PCDH9: variants seen among roughly 807,000 people sequenced by gnomAD.
PCDH9 encodes protocadherin 9.
Under a neutral mutation model 70.6 loss-of-function variants are expected in PCDH9, and 24 were observed. That is an observed-to-expected ratio of 0.34 (90% CI 0.25 to 0.48). PCDH9 has a LOEUF of 0.48. Among genes scored for constraint, PCDH9 ranks in the 20% least tolerant of loss-of-function variants. The pLI is 0.99. For missense variants in PCDH9, 1,281 were observed against 1,503.6 expected, an observed-to-expected ratio of 0.85 and a Z score of 2.45; for synonymous variants, 562 against 558.5, an observed-to-expected ratio of 1.01 and a Z score of -0.09.
chr13:66,856,514 C>T (rs2081396832), intron 3 of PCDH9, among the ~76,000 whole-genome samples: 1 of 151,972 alleles, frequency 6.6e-6, no homozygotes, highest in South Asian at 2.1e-4. Context: ...GCAACAATAA[C>T]AGGAAGTTAA....
At chr13:66,849,720 G>A (rs2081283905) in intron 3 of PCDH9, among the ~76,000 whole-genome samples, 1 of 152,130 alleles carries the variant, frequency 6.6e-6, no homozygotes, top group Non-Finnish European at 1.5e-5. Flanking sequence ...GTGTGTAATT[G>A]TGATTCAGAC....
chr13:66,654,545 T>A (rs1439668886), intron 3 of PCDH9, among the ~76,000 whole-genome samples: 1 of 152,186 alleles, frequency 6.6e-6, no homozygotes, highest in Non-Finnish European at 1.5e-5. Context: ...ATGTGATTAT[T>A]AAGCATTGTA....
chr13:67,060,034 C>G (rs1164753855), intron 2 of PCDH9, among the ~76,000 whole-genome samples: 1 of 151,792 alleles, frequency 6.6e-6, no homozygotes, highest in Admixed American at 6.6e-5. Flanking sequence ...TTCAGAGAGA[C>G]CTGGATAAGA....
intron 2 of PCDH9, among the ~76,000 whole-genome samples, chr13:67,139,150 T>C (rs2087309077): frequency 6.6e-6 from 1 of 152,214 alleles, no homozygotes; most frequent in Admixed American, 6.5e-5. Context: ...CATGGTGAAT[T>C]CTGTCAAATC....
intron 3 of PCDH9, among the ~76,000 whole-genome samples, chr13:66,835,415 A>C (rs2081000896): frequency 6.6e-6 from 1 of 152,178 alleles, no homozygotes; most frequent in Non-Finnish European, 1.5e-5. Context: ...GGGAATATAA[A>C]ATGGTGATGG....
At chr13:66,692,050 C>T (rs1194512519) in intron 3 of PCDH9, among the ~76,000 whole-genome samples, 1 of 152,146 alleles carries the variant, frequency 6.6e-6, no homozygotes, top group African/African-American at 2.4e-5. Context: ...TACAACTTTA[C>T]ACATGGTGTA....
chr13:66,501,320 A>G (rs540430429), intron 4 of PCDH9, among the ~76,000 whole-genome samples: 1 of 152,192 alleles, frequency 6.6e-6, no homozygotes, highest in South Asian at 2.1e-4. Flanking sequence ...TTCTCTATTA[A>G]GGATGAAGCA....
At chr13:66,664,923 A>AG (rs2078072233) in intron 3 of PCDH9, among the ~76,000 whole-genome samples, 1 of 152,120 alleles carries the variant, frequency 6.6e-6, no homozygotes, top group African/African-American at 2.4e-5. Flanking sequence ...TTCCTAAGGC[A>AG]TAGATAAAAC....
intron 4 of PCDH9, among the ~76,000 whole-genome samples, chr13:66,572,062 G>T (rs2076740408): frequency 6.6e-6 from 1 of 151,916 alleles, no homozygotes. Context: ...TTAAACTTAT[G>T]ACTCTTTTTC....
In PCDH9 at chr13:67,200,278, G is replaced by T. The variant is rs371573228; in HGVS notation, c.3036+25127C>A. ...TTGAATTTCCCACTTCTGTTGTAGG[G>T]AATCAAAATATAAAACACATAGCTA... On this transcript the variant is annotated intron_variant, in intron 2 of 4. Transcript: ENST00000377865. Among the ~76,000 whole-genome samples, 28 of 152,082 alleles carry T rather than the reference G, an allele frequency of 1.8e-4. 1 individual carries two copies. The highest frequency in any genetic ancestry group is 9.6e-4 in the East Asian group (5 of 5,184).
Position 67,226,878 on chromosome 13 carries a change from T to G in PCDH9, c.1563A>C (p.Thr521=), listed in dbSNP as rs1399166549. 6.2e-7 allele frequency: 1 copy of G among 1,614,218 alleles called. No individual in the cohort carries two copies. The highest frequency in any genetic ancestry group is 1.7e-5 in the Admixed American group (1 of 60,024). Residue 521 remains threonine (T), a synonymous_variant, in exon 2 of 5, where the codon ACA becomes ACC. Coordinates refer to ENST00000377865, the MANE Select transcript of PCDH9 (RefSeq NM_203487.3). The surrounding 1 kb of genome is among the most constrained non-coding windows in gnomAD (Gnocchi z 5.0). Reference sequence around the variant, plus strand: ...ATACTCTGGAGGCTGTCAAAACTCCTGTTTTTCGGTCCAGATCAAAGAAGG... The same window carrying G: ...ATACTCTGGAGGCTGTCAAAACTCCGGTTTTTCGGTCCAGATCAAAGAAGG... The part of the protein sequence containing the change: ...NASFFDLDRK[T]GVLTASRVFD...
intron 4 of PCDH9, among the ~76,000 whole-genome samples, chr13:66,326,396 C>A (rs1409235352): frequency 2.2e-4 from 30 of 136,222 alleles, no homozygotes; most frequent in African/African-American, 8.8e-4. Flanking sequence ...TCTTCTTCTT[C>A]TAAAAAAAAA....
At chr13:66,375,302 A>G (rs898459308) in intron 4 of PCDH9, among the ~76,000 whole-genome samples, 3 of 151,976 alleles carry the variant, frequency 2.0e-5, no homozygotes, top group Non-Finnish European at 4.4e-5. Context: ...CAACCTGGAA[A>G]CTTTTTATTT....
chr13:66,419,383 A>G (rs1464134708), intron 4 of PCDH9, among the ~76,000 whole-genome samples: 1 of 152,026 alleles, frequency 6.6e-6, no homozygotes, highest in African/African-American at 2.4e-5. Context: ...GAATAGGAAC[A>G]TCTTCAGCCT....
chr13:66,752,438 A>G (rs2139229568), intron 3 of PCDH9, among the ~76,000 whole-genome samples: 1 of 152,288 alleles, frequency 6.6e-6, no homozygotes, highest in Non-Finnish European at 1.5e-5. Flanking sequence ...CTGGGACTAC[A>G]GGCACATGCC....
At chr13:66,710,816 T>A (rs186022558) in intron 3 of PCDH9, among the ~76,000 whole-genome samples, 269 of 152,150 alleles carry the variant, frequency 1.8e-3, no homozygotes, top group African/African-American at 6.1e-3. Flanking sequence ...AGTCTTTCCC[T>A]CAACATTCAA....
intron 4 of PCDH9, among the ~76,000 whole-genome samples, chr13:66,409,864 C>T (rs1014505097): frequency 3.9e-5 from 6 of 152,078 alleles, no homozygotes; most frequent in African/African-American, 1.2e-4. Context: ...ACCTTCCCTG[C>T]CCCAAATCCC....
At chr13:67,117,234 CT>C (rs2086795878) in intron 2 of PCDH9, among the ~76,000 whole-genome samples, 1 of 152,148 alleles carries the variant, frequency 6.6e-6, no homozygotes, top group Non-Finnish European at 1.5e-5. Context: ...ACTGAAGATG[CT>C]GGTAAATTCA....
chr13:66,898,966 G>A (rs763726929), intron 3 of PCDH9, among the ~76,000 whole-genome samples: 1 of 151,930 alleles, frequency 6.6e-6, no homozygotes, highest in Non-Finnish European at 1.5e-5. Flanking sequence ...GACTTACCTT[G>A]AAGACAGTTG....
Sources: allele counts gnomAD v4.1 joint callset (sites outside exome capture counted in the v4.1 genomes callset), GRCh38; gene constraint gnomAD v4.1.1; non-coding constraint Gnocchi (gnomAD v3.1); transcripts MANE v1.5; gene names NCBI Gene and HGNC (gene_info 2026-07-23, HGNC 2026-07-21).